Variants in GPC5 observed in about 807,000 individuals in gnomAD.
GPC5 encodes the protein glypican-5.
Under a neutral mutation model 53.9 loss-of-function variants are expected in GPC5, and 47 were observed. The observed-to-expected ratio is 0.87, with a 90% CI of 0.69 to 1.11. The LOEUF (loss-of-function observed/expected upper bound fraction) is 1.11, where lower values mean the gene tolerates loss of function less well. Ranked by LOEUF, GPC5 falls within the 50% of genes most tolerant of loss-of-function variation. The pLI is 0.00. For missense variants in GPC5, 748 were observed against 713.1 expected (o/e 1.05, Z -0.56); for synonymous variants, 286 against 263.3 (o/e 1.09, Z -0.84).
intron 6 of GPC5, among the ~76,000 whole-genome samples, chr13:91,992,042 A>T (rs1362430202): frequency 2.0e-5 from 3 of 152,110 alleles, no homozygotes; most frequent in Non-Finnish European, 2.9e-5. Flanking sequence ...TTGATTTTTT[A>T]ATTTTTATTT....
chr13:92,794,318 T>G (rs1397568178), intron 7 of GPC5, among the ~76,000 whole-genome samples: 1 of 152,078 alleles, frequency 6.6e-6, no homozygotes, highest in Non-Finnish European at 1.5e-5. Context: ...AAAAGGCCTT[T>G]GGCAAAACTC....
chr13:92,155,994 T>C (rs1024025041), intron 7 of GPC5, among the ~76,000 whole-genome samples: 9 of 152,164 alleles, frequency 5.9e-5, no homozygotes, highest in Non-Finnish European at 1.2e-4. Context: ...TGTTGCTTAT[T>C]TTATGTTAAT....
intron 7 of GPC5, among the ~76,000 whole-genome samples, chr13:92,152,914 T>C (rs2041917815): frequency 6.6e-6 from 1 of 152,176 alleles, no homozygotes; most frequent in Admixed American, 6.5e-5. Context: ...CACATTTCAC[T>C]GAACAGAGAG....
At chr13:92,866,247 A>C (rs899834328) in intron 7 of GPC5, 35 bp from the exon 8 acceptor site, 3 of 1,578,906 alleles carry the variant, frequency 1.9e-6, no homozygotes, top group African/African-American at 1.4e-5. Context: ...TGAAGTGGTC[A>C]TGCATCACCT....
chr13:92,021,973 TG>T (rs1403577921), intron 6 of GPC5, among the ~76,000 whole-genome samples: 1 of 152,066 alleles, frequency 6.6e-6, no homozygotes, highest in African/African-American at 2.4e-5. Flanking sequence ...AGAAAATTTT[TG>T]CTTGTTTTTT....
At chr13:91,532,020 C>T (rs995049101) in intron 2 of GPC5, among the ~76,000 whole-genome samples, 23 of 151,904 alleles carry the variant, frequency 1.5e-4, no homozygotes, top group African/African-American at 5.3e-4. Context: ...TCTAGTCAAG[C>T]AGTTATTGAG....
chr13:92,605,604 A>G (rs1884226205), intron 7 of GPC5, among the ~76,000 whole-genome samples: 1 of 123,020 alleles, frequency 8.1e-6, no homozygotes, highest in African/African-American at 5.6e-5. Flanking sequence ...TTTTTTTGAG[A>G]CGGAGTCTCG....
chr13:92,677,116 C>T lies in GPC5; in HGVS notation c.1562-189166C>T, dbSNP rs547268844. On this transcript the variant is annotated intron_variant, in intron 7 of 7. Coordinates refer to ENST00000377067, the MANE Select transcript of GPC5 (RefSeq NM_004466.6). ...CTTAAAGTAATTGAAGTACGAAAAC[C>T]TTTAACTTATTAAAATTTTGTTATT... Among the ~76,000 whole-genome samples the T allele has an allele frequency of 6.6e-5, 10 of 152,134 alleles. No individual in the cohort carries two copies. The South Asian group carries it at 2.1e-3, about 32-fold the overall frequency.
chr13:92,630,213 G>A (rs1351061950), intron 7 of GPC5, among the ~76,000 whole-genome samples: 1 of 152,138 alleles, frequency 6.6e-6, no homozygotes, highest in African/African-American at 2.4e-5. Flanking sequence ...ACGTAATCGT[G>A]AATGTATGAA....
intron 7 of GPC5, among the ~76,000 whole-genome samples, chr13:92,483,108 CA>C (rs1334190027): frequency 1.3e-5 from 2 of 152,296 alleles, no homozygotes; most frequent in East Asian, 3.9e-4. Flanking sequence ...AAACCGTCCC[CA>C]TGATTCCATT....
intron 7 of GPC5, among the ~76,000 whole-genome samples, chr13:92,851,945 A>G (rs1878821928): frequency 6.6e-6 from 1 of 151,748 alleles, no homozygotes; most frequent in African/African-American, 2.4e-5. Flanking sequence ...TCTGTAAGAG[A>G]GCCCTGACCA....
chr13:92,390,568 C>A (rs937865964), intron 7 of GPC5, among the ~76,000 whole-genome samples: 1 of 151,990 alleles, frequency 6.6e-6, no homozygotes, highest in Non-Finnish European at 1.5e-5. Context: ...TGCTTTTTAC[C>A]CCTCTGCACT....
intron 6 of GPC5, among the ~76,000 whole-genome samples, chr13:91,971,977 T>C (rs1266806903): frequency 6.6e-6 from 1 of 152,174 alleles, no homozygotes; most frequent in Non-Finnish European, 1.5e-5. Context: ...AGATGTCTAT[T>C]AGGTCTGCTT....
chr13:92,790,886 G>A lies in GPC5; in HGVS notation c.1562-75396G>A, dbSNP rs1031559580. Reference sequence around the variant, plus strand: ...AAACAACTCCAATAAACATGGATTTGTTAAAAAATAAAAATAAGATTTTAA... The same window carrying A: ...AAACAACTCCAATAAACATGGATTTATTAAAAAATAAAAATAAGATTTTAA... On this transcript the variant is annotated intron_variant, in intron 7 of 7. Transcript: ENST00000377067. Among the ~76,000 whole-genome samples, 13 of 152,072 alleles carry A rather than the reference G, an allele frequency of 8.5e-5. No homozygotes were observed. The South Asian group carries it at 1.9e-3, about 22-fold the overall frequency.
At chr13:91,551,603 T>C (rs2030642959) in intron 2 of GPC5, among the ~76,000 whole-genome samples, 1 of 152,086 alleles carries the variant, frequency 6.6e-6, no homozygotes, top group South Asian at 2.1e-4. Context: ...AAAAATGTAT[T>C]AAAAATGTAT....
intron 6 of GPC5, among the ~76,000 whole-genome samples, chr13:92,081,070 G>A (rs115002639): frequency 1.7e-3 from 255 of 151,926 alleles, no homozygotes; most frequent in African/African-American, 5.2e-3. Flanking sequence ...ATTTTATTTT[G>A]TCTATCTCAC....
At chr13:92,125,380 A>G (rs1221320775) in intron 6 of GPC5, among the ~76,000 whole-genome samples, 2 of 151,966 alleles carry the variant, frequency 1.3e-5, no homozygotes, top group African/African-American at 2.4e-5. Context: ...AATAAATAAT[A>G]AAGATGGTTT....
chr13:92,239,781 A>C (rs183565630), intron 7 of GPC5: 7 of 35,818 alleles, frequency 2.0e-4, no homozygotes, highest in African/African-American at 6.7e-4. Context: ...TCTAGGCTGG[A>C]TTTCCACCTG....
At chr13:92,288,536 G>C (rs2042971953) in intron 7 of GPC5, among the ~76,000 whole-genome samples, 1 of 152,160 alleles carries the variant, frequency 6.6e-6, no homozygotes, top group Non-Finnish European at 1.5e-5. Flanking sequence ...AGCTAATGAA[G>C]TGACTTGACA....
Sources: gnomAD v4.1 joint callset for allele counts (sites outside exome capture counted in the v4.1 genomes callset) on GRCh38, gnomAD v4.1.1 for gene constraint, MANE v1.5 for transcripts, NCBI Gene and HGNC (gene_info 2026-07-23, HGNC 2026-07-21) for gene names.